The following PDIA2 variants were observed in gnomAD, a reference collection of about 807,000 sequenced individuals.
PDIA2 encodes the protein protein disulfide isomerase family A member 2, also known as protein disulfide-isomerase A2.
PDIA2 carries 76 observed loss-of-function variants against 51.1 expected under a neutral mutation model. The ratio of observed to expected loss-of-function variants is 1.49; its 90% CI spans 1.24 to 1.80. The LOEUF is 1.80. PDIA2 is among the 40% of genes most tolerant of loss of function. The pLI is 0.00. For missense variants in PDIA2, 946 were observed against 706.5 expected, an observed-to-expected ratio of 1.34 and a Z score of -3.84; for synonymous variants, 429 against 309.9, an observed-to-expected ratio of 1.38 and a Z score of -4.04.
Position 283,992 on chromosome 16 carries a change from G to A in PDIA2, c.200-395G>A, listed in dbSNP as rs540629646. 2.6e-5 allele frequency among the ~76,000 whole-genome samples: 4 copies of A among 152,344 alleles called. No individual in the cohort carries two copies. The South Asian group carries it at 6.2e-4, about 24-fold the overall frequency. The stretch of plus-strand genomic sequence containing the variant: ...CAATTCTCCTGCCTCAGCCTCCCGA[G>A]TAGCTGGGATTATAGGCATACGCAA... On this transcript the variant is annotated intron_variant, in intron 1 of 10. Transcript: ENST00000219406.
In PDIA2 at chr16:284,453, C is replaced by T. The variant is rs768743092; in HGVS notation, c.266C>T (p.Ala89Val). The T allele has an allele frequency of 8.8e-5, 141 of 1,598,794 alleles. 1 individual carries two copies. The highest frequency in any genetic ancestry group is 3.1e-4 in the Admixed American group (18 of 57,524). The part of the protein sequence containing the change: ...PEYSKAAAVL[A>V]AESMVVTLAK... ...TACAGCAAGGCAGCTGCCGTGCTCG[C>T]GGCCGAGTCAATGGTGGTCACGCTG... The change falls in exon 2 of 11, where the codon GCG becomes GTG. Residue 89 changes from alanine (A) to valine (V), a missense_variant. Ala to Val is a moderately conservative substitution (Grantham distance 64). Transcript: ENST00000219406.
chr16:287,013 G>A (rs763520932), intron 10 of PDIA2, 56 bp from the exon 11 acceptor site: 1,237 of 1,612,026 alleles, frequency 7.7e-4, no homozygotes, highest in Admixed American at 2.2e-3. Flanking sequence ...TGGCAGGGGC[G>A]GGGGCAGGGG....
rs773321571 is a variant in PDIA2, at chr16:284,503, C to CGCGAGCTG, written c.319_326dup (p.Glu110SerfsTer8). The CGCGAGCTG allele has an allele frequency of 6.2e-7, 1 of 1,611,238 alleles. No homozygotes were observed. The highest frequency in any genetic ancestry group is 8.5e-7 in the Non-Finnish European group (1 of 1,179,278). ...GGCCAAGGTGGATGGGCCCGCGCAG[C>CGCGAGCTG]GCGAGCTGGCTGAGGAGTTTGGTGT... is the stretch of plus-strand genomic sequence containing the variant. On this transcript the variant is annotated frameshift_variant, in exon 2 of 11. Transcript: ENST00000219406. LOFTEE classifies it high-confidence loss of function.
Position 285,207 on chromosome 16 carries a change from AGGCTGCAGTGCCTG to A in PDIA2, c.795+13_795+26del. 6.2e-7 allele frequency: 1 copy of A among 1,612,796 alleles called. No homozygotes were observed. The highest frequency in any genetic ancestry group is 8.5e-7 in the Non-Finnish European group (1 of 1,179,966). Reference sequence around the variant, plus strand: ...CACGGAGTTCAACAGCCAGGTGCGTAGGCTGCAGTGCCTGGGCTGGGGGTGTCCCAGGGTAGAGT... The same window carrying A: ...CACGGAGTTCAACAGCCAGGTGCGTAGGCTGGGGGTGTCCCAGGGTAGAGT... On this transcript the variant is annotated splice_region_variant and intron_variant, in intron 5 of 10. Coordinates refer to ENST00000219406, the MANE Select transcript of PDIA2 (RefSeq NM_006849.4).
chr16:285,871 G>GGCGGTTCTCCCAACCCCAACCCC (rs2052352779), intron 7 of PDIA2, among the ~76,000 whole-genome samples, 168 bp downstream of exon 7: 7 of 44,364 alleles, frequency 1.6e-4, no homozygotes, highest in African/African-American at 3.9e-4. Context: ...ACCCCAACCC[G>GGCGGTTCTCCCAACCCCAACCCC]GCGGTTCTCC....
At chr16:286,023 T>TCCAACCCCGCGGTTCTC (rs1205318362) in intron 7 of PDIA2, among the ~76,000 whole-genome samples, 2 of 31,650 alleles carry the variant, frequency 6.3e-5, no homozygotes, top group Admixed American at 3.0e-4. Context: ...CCCGCGGTTC[T>TCCAACCCCGCGGTTCTC]CCAACCCCGC....
In PDIA2 at chr16:285,392, G is replaced by A; in HGVS notation, c.876G>A (p.Glu292=). ...ACCAGACGCTGGCTGCGCACCGGGA[G>A]CTCCTAGCGGGCTTTGGGGAGGCAG... ...FVNQTLAAHR[E]LLAGFGEAAP... is the part of the protein sequence containing the mutation. Residue 292 remains glutamate (E), a synonymous_variant, in exon 6 of 11, where the codon GAG becomes GAA. Coordinates refer to ENST00000219406, the MANE Select transcript of PDIA2 (RefSeq NM_006849.4). 1 of 1,612,206 alleles carries A rather than the reference G, an allele frequency of 6.2e-7. No individual in the cohort carries two copies. The highest frequency in any genetic ancestry group is 8.5e-7 in the Non-Finnish European group (1 of 1,179,672).
Position 285,598 on chromosome 16 carries a change from G to A in PDIA2, c.1014G>A (p.Leu338=). The change falls in exon 7 of 11, where the codon TTG becomes TTA. Residue 338 remains leucine (L), a synonymous_variant. Coordinates refer to ENST00000219406, the MANE Select transcript of PDIA2 (RefSeq NM_006849.4). ...LKAEAAPTLR[L]VNLETTKKYA... Reference sequence around the variant, plus strand: ...CTGAGGCAGCCCCCACTCTGCGCTTGGTCAACCTTGAAACCACTAAGAAGT... The same window carrying A: ...CTGAGGCAGCCCCCACTCTGCGCTTAGTCAACCTTGAAACCACTAAGAAGT... The A allele has an allele frequency of 6.2e-7, 1 of 1,613,226 alleles. No homozygotes were observed. Among genetic ancestry groups the A allele is most frequent in the East Asian group, 2.2e-5 (1 of 44,882 alleles).
At position 286,621 on chromosome 16, in the gene PDIA2, AG is replaced by A. The variant is rs756026919; in HGVS notation, c.1309del (p.Asp437ThrfsTer39). On this transcript the variant is annotated frameshift_variant, in exon 9 of 11. Transcript: ENST00000219406. LOFTEE classifies it high-confidence loss of function. ...AWEALAEKYQDHEDIIIAELD... is the reference protein window; with the variant it reads ...AWEALAEKYQXHEDIIIAELD... ...GGGAGGCATTGGCTGAGAAGTACCA[AG>A]ACCACGAGGACATCATCATTGCTGA... is the stretch of plus-strand genomic sequence containing the variant. 6.2e-7 allele frequency: 1 copy of A among 1,612,730 alleles called. No individual in the cohort carries two copies. The highest frequency in any genetic ancestry group is 8.5e-7 in the Non-Finnish European group (1 of 1,179,972).
Position 286,876 on chromosome 16 carries a change from C to G in PDIA2, c.1464C>G (p.Ser488=). ...GCACCAGGGACCTGGAGACTTTCTC[C>G]AAGTTCCTGGACAACGGGGGCGTGC... The part of the protein sequence containing the change: ...YKSTRDLETF[S]KFLDNGGVLP... Residue 488 remains serine (S), a synonymous_variant, in exon 10 of 11, where the codon TCC becomes TCG. Coordinates refer to ENST00000219406, the MANE Select transcript of PDIA2 (RefSeq NM_006849.4). 6.2e-7 allele frequency: 1 copy of G among 1,607,010 alleles called. No homozygotes were observed. The highest frequency in any genetic ancestry group is 8.5e-7 in the Non-Finnish European group (1 of 1,177,940).
In PDIA2 at chr16:283,345, A is replaced by G. The variant is rs1567248858; in HGVS notation, c.176A>G (p.His59Arg). The change falls in exon 1 of 11, where the codon CAC becomes CGC. Residue 59 changes from histidine (H) to arginine (R), a missense_variant. Coordinates refer to ENST00000219406, the MANE Select transcript of PDIA2 (RefSeq NM_006849.4). ...ACCCTGGGCCTGGCCCTGCGGGAGC[A>G]CCCTGCCCTGCTGGTGGAATTCTGT... ...RHTLGLALRE[H>R]PALLVEFYAP... is the part of the protein sequence containing the mutation. The G allele has an allele frequency of 6.2e-7, 1 of 1,603,502 alleles. No individual in the cohort carries two copies. Among genetic ancestry groups the G allele is most frequent in the Non-Finnish European group, 8.5e-7 (1 of 1,175,434 alleles).
intron 1 of PDIA2, 29 bp from the exon 2 acceptor site, chr16:284,358 C>T (rs888086311): frequency 1.3e-6 from 2 of 1,529,784 alleles, no homozygotes; most frequent in Non-Finnish European, 1.8e-6. Context: ...GTTGTGGTGG[C>T]CTGGGGCACT....
chr16:283,374 TGCTGGGGCCAGTGGG>T lies in PDIA2; in HGVS notation c.199+14_199+28del, dbSNP rs756954971. ...TGCCCTGCTGGTGGAATTCTGTGAG[TGCTGGGGCCAGTGGG>T]GCTGGGGACCGGCGGGGGACCGGCA... On this transcript the variant is annotated splice_region_variant and intron_variant, in intron 1 of 10. Coordinates refer to ENST00000219406, the MANE Select transcript of PDIA2 (RefSeq NM_006849.4). 3 of 1,584,202 alleles carry T rather than the reference TGCTGGGGCCAGTGGG, an allele frequency of 1.9e-6. No homozygotes were observed. Among genetic ancestry groups the T allele is most frequent in the Non-Finnish European group, 8.6e-7 (1 of 1,165,768 alleles).
In PDIA2 at chr16:285,196, G is replaced by C; in HGVS notation, c.791G>C (p.Ser264Thr). The C allele has an allele frequency of 6.2e-7, 1 of 1,612,854 alleles. No homozygotes were observed. Among genetic ancestry groups the C allele is most frequent in the South Asian group, 1.1e-5 (1 of 91,082 alleles). Residue 264 changes from serine to threonine, a missense_variant, in exon 5 of 11, where the codon AGC becomes ACC. Ser to Thr is a moderately conservative substitution (Grantham distance 58). Transcript: ENST00000219406. ...HSMRLVTEFNSQTSAKIFAAR... is the reference protein window; with the variant it reads ...HSMRLVTEFNTQTSAKIFAAR... ...ATGCGCCTGGTCACGGAGTTCAACAGCCAGGTGCGTAGGCTGCAGTGCCTG... is the reference window on the plus strand; with the variant it reads ...ATGCGCCTGGTCACGGAGTTCAACACCCAGGTGCGTAGGCTGCAGTGCCTG...
At chr16:283,602 C>G (rs1391813779) in intron 1 of PDIA2, among the ~76,000 whole-genome samples, 1 of 152,214 alleles carries the variant, frequency 6.6e-6, no homozygotes, top group Non-Finnish European at 1.5e-5. Context: ...ACACCTGTGC[C>G]TCCCTGCTCG....
chr16:285,254 G>A (rs2052338768), intron 5 of PDIA2, 54 bp downstream of exon 5: 21 of 1,612,204 alleles, frequency 1.3e-5, no homozygotes, highest in Non-Finnish European at 1.8e-5. Context: ...AGTCGTCCAG[G>A]GATGGGGGTG....
chr16:285,941 AAC>A (rs1309411997), intron 7 of PDIA2, among the ~76,000 whole-genome samples: 33 of 26,468 alleles, frequency 1.2e-3, no homozygotes, highest in Non-Finnish European at 2.1e-3. Flanking sequence ...CCCCAACCCC[AAC>A]CCCAACCCCA....
rs1226461350 is a variant in PDIA2 at position 285,075 on chromosome 16, G to A, written c.679-9G>A. The A allele has an allele frequency of 6.2e-7, 1 of 1,613,156 alleles. No homozygotes were observed. The highest frequency in any genetic ancestry group is 1.1e-5 in the South Asian group (1 of 91,086). On this transcript the variant is annotated splice_polypyrimidine_tract_variant and intron_variant, in intron 4 of 10. Transcript: ENST00000219406. ...TGCAGCGCCCGCTAACCCACCTGCTGCTGTCCAGTTTGATGAGGGGCGGGC... is the reference window on the plus strand; with the variant it reads ...TGCAGCGCCCGCTAACCCACCTGCTACTGTCCAGTTTGATGAGGGGCGGGC...
At position 284,964 on chromosome 16, in the gene PDIA2, G is replaced by A. The variant is rs759211670; in HGVS notation, c.627G>A (p.Arg209=). The change falls in exon 4 of 11, where the codon CGG becomes CGA. Residue 209 remains arginine, a synonymous_variant. Coordinates refer to ENST00000219406, the MANE Select transcript of PDIA2 (RefSeq NM_006849.4). Reference sequence around the variant, plus strand: ...CCTTTGGCCTCACAGACCGGCCGCGGCTCTTTCAGCAGTTTGGCCTCACCA... The same window carrying A: ...CCTTTGGCCTCACAGACCGGCCGCGACTCTTTCAGCAGTTTGGCCTCACCA... ...DMTFGLTDRP[R]LFQQFGLTKD... The A allele has an allele frequency of 1.9e-6, 3 of 1,613,428 alleles. No homozygotes were observed. The highest frequency in any genetic ancestry group is 1.3e-5 in the African/African-American group (1 of 75,074).
Sources: allele counts gnomAD v4.1 joint callset (sites outside exome capture counted in the v4.1 genomes callset), GRCh38; gene constraint gnomAD v4.1.1; transcripts MANE v1.5; gene names NCBI Gene and HGNC (gene_info 2026-07-23, HGNC 2026-07-21).